Variants in CACNA2D3 observed in about 807,000 individuals in gnomAD.
CACNA2D3 encodes the protein voltage-dependent calcium channel subunit alpha-2/delta-3.
Under a neutral mutation model 160.6 loss-of-function variants are expected in CACNA2D3, and 60 were observed. The observed-to-expected ratio is 0.37, with a 90% CI of 0.30 to 0.46. The LOEUF (loss-of-function observed/expected upper bound fraction) is 0.46. Among genes scored for constraint, CACNA2D3 ranks in the 20% least tolerant of loss-of-function variants. The pLI, the probability that CACNA2D3 is intolerant of heterozygous loss-of-function variation, is 1.00. For synonymous variants in CACNA2D3, 558 were observed against 492.9 expected (o/e 1.13, Z -1.75); for missense variants, 1,205 against 1,365.0 (o/e 0.88, Z 1.85).
chr3:54,761,749 C>T (rs1702084102), intron 12 of CACNA2D3, among the ~76,000 whole-genome samples: 1 of 152,162 alleles, frequency 6.6e-6, no homozygotes, highest in South Asian at 2.1e-4. Context: ...GAGGGTGGGG[C>T]AGGCAGGAGT....
At chr3:54,409,154 G>A (rs931600254) in intron 4 of CACNA2D3, among the ~76,000 whole-genome samples, 2 of 152,142 alleles carry the variant, frequency 1.3e-5, no homozygotes, top group East Asian at 1.9e-4. Context: ...AGTTGAACAA[G>A]TTTACTGGTG....
At chr3:54,449,779 C>T (rs1262653561) in intron 4 of CACNA2D3, among the ~76,000 whole-genome samples, 3 of 152,114 alleles carry the variant, frequency 2.0e-5, no homozygotes, top group African/African-American at 7.2e-5. Context: ...CAAGGCCTCT[C>T]CAGAAGCAGA....
intron 3 of CACNA2D3, among the ~76,000 whole-genome samples, chr3:54,343,300 T>A (rs552481419): frequency 6.6e-6 from 1 of 151,888 alleles, no homozygotes; most frequent in African/African-American, 2.4e-5. Context: ...CTTTTTTAAT[T>A]TTTTTTTAAG....
chr3:54,882,072 C>G (rs1175580480), intron 21 of CACNA2D3, among the ~76,000 whole-genome samples: 1 of 152,228 alleles, frequency 6.6e-6, no homozygotes, highest in Non-Finnish European at 1.5e-5. Flanking sequence ...CATGTGGTCT[C>G]TCTTCCCAGA....
intron 25 of CACNA2D3, chr3:54,894,514 C>G (rs926140667): frequency 2.2e-6 from 1 of 462,452 alleles, no homozygotes; most frequent in African/African-American, 2.0e-5. Flanking sequence ...AAGCCACCAT[C>G]TCATCTACCA....
intron 35 of CACNA2D3, among the ~76,000 whole-genome samples, chr3:55,035,357 G>C (rs1163788899): frequency 6.6e-6 from 1 of 152,150 alleles, no homozygotes; most frequent in Non-Finnish European, 1.5e-5. Flanking sequence ...CCTGTTGAGG[G>C]AGTTGCAGAA....
At chr3:54,279,813 C>T (rs1432961071) in intron 2 of CACNA2D3, among the ~76,000 whole-genome samples, 1 of 152,138 alleles carries the variant, frequency 6.6e-6, no homozygotes, top group African/African-American at 2.4e-5. Flanking sequence ...GAGTAGCTGC[C>T]TCAACTCCAT....
intron 35 of CACNA2D3, among the ~76,000 whole-genome samples, chr3:55,027,543 C>T (rs186269570): frequency 2.6e-5 from 4 of 152,230 alleles, no homozygotes; most frequent in Admixed American, 1.3e-4. Flanking sequence ...ACATCTAATT[C>T]GCATACAAAT....
chr3:54,500,508 C>CCTTCCTTCCTGT (rs762109892), intron 4 of CACNA2D3, among the ~76,000 whole-genome samples: 2 of 90,188 alleles, frequency 2.2e-5, no homozygotes, highest in Non-Finnish European at 2.4e-5. Context: ...TTCCTATCTT[C>CCTTCCTTCCTGT]CTTCCTTCCT....
intron 35 of CACNA2D3, among the ~76,000 whole-genome samples, chr3:55,046,108 T>G (rs1024884318): frequency 4.0e-5 from 6 of 151,770 alleles, no homozygotes; most frequent in Non-Finnish European, 1.5e-5. Context: ...TAACGTCTTT[T>G]TTTTTATTAT....
rs1441634619 is a variant in CACNA2D3 at position 54,899,858 on chromosome 3, T to C, written c.2439T>C (p.Pro813=). Residue 813 remains proline, a synonymous_variant, in exon 27 of 38, where the codon CCT becomes CCC. Transcript: ENST00000474759. ...AGCTCCTGGATGAACGGAAATCTCC[T>C]GTGGTGGCAGGTAAATAATTGATTG... is the stretch of plus-strand genomic sequence containing the variant. The part of the protein sequence containing the change: ...SIQLLDERKS[P]VVAAVGIQMK... 1 of 1,598,994 alleles carries C rather than the reference T, an allele frequency of 6.3e-7. No individual in the cohort carries two copies. The highest frequency in any genetic ancestry group is 1.7e-5 in the Admixed American group (1 of 58,340).
chr3:54,925,882 T>C (rs1701000017), intron 27 of CACNA2D3, among the ~76,000 whole-genome samples: 1 of 152,252 alleles, frequency 6.6e-6, no homozygotes, highest in South Asian at 2.1e-4. Flanking sequence ...ATTTTTGCCG[T>C]TGTAATTCCA....
At chr3:54,415,544 A>T (rs956079903) in intron 4 of CACNA2D3, among the ~76,000 whole-genome samples, 1 of 152,186 alleles carries the variant, frequency 6.6e-6, no homozygotes, top group Admixed American at 6.5e-5. Context: ...TTTATGACTA[A>T]CAACTTTAGG....
chr3:54,567,988 A>AGAT (rs1347368663), intron 6 of CACNA2D3, among the ~76,000 whole-genome samples: 1 of 152,250 alleles, frequency 6.6e-6, no homozygotes, highest in Non-Finnish European at 1.5e-5. Flanking sequence ...AAAGATATTC[A>AGAT]GATTTTTATT....
rs1699922830 is a variant in CACNA2D3, at chr3:54,427,186, A to C, written c.381+40412A>C. Among the ~76,000 whole-genome samples the C allele has an allele frequency of 3.3e-5, 5 of 152,196 alleles. 1 individual carries two copies. The South Asian group carries it at 1.0e-3, about 32-fold the overall frequency. ...TCTGCCTGGTCATTTGGTGTTGTAG[A>C]GTGCCAGAAAGCCCTGCACATGTAG... is the stretch of plus-strand genomic sequence containing the variant. On this transcript the variant is annotated intron_variant, in intron 4 of 37. Transcript: ENST00000474759.
At chr3:54,564,050 G>A (rs1010945439) in intron 6 of CACNA2D3, among the ~76,000 whole-genome samples, 3 of 152,196 alleles carry the variant, frequency 2.0e-5, no homozygotes, top group African/African-American at 7.2e-5. Context: ...CCACCAAATT[G>A]CAGTCTGCCT....
chr3:54,815,898 A>C (rs1703437580), intron 13 of CACNA2D3, among the ~76,000 whole-genome samples: 1 of 152,216 alleles, frequency 6.6e-6, no homozygotes, highest in Non-Finnish European at 1.5e-5. Flanking sequence ...TTGGGTATTT[A>C]ATACATGGAT....
chr3:54,139,820 G>A (rs1699886982), intron 2 of CACNA2D3, among the ~76,000 whole-genome samples: 1 of 152,218 alleles, frequency 6.6e-6, no homozygotes, highest in Admixed American at 6.5e-5. Context: ...GAGGCAGGGA[G>A]GAGAGCTGAG....
intron 35 of CACNA2D3, among the ~76,000 whole-genome samples, chr3:55,053,973 T>C (rs1704298150): frequency 6.6e-6 from 1 of 151,878 alleles, no homozygotes; most frequent in African/African-American, 2.4e-5. Context: ...TTGTTCATCC[T>C]CTTTTTTTTC....
Sources: allele counts gnomAD v4.1 joint callset (sites outside exome capture counted in the v4.1 genomes callset), GRCh38; gene constraint gnomAD v4.1.1; transcripts MANE v1.5; gene names NCBI Gene and HGNC (gene_info 2026-07-23, HGNC 2026-07-21).